Variants in HMGA2 observed in about 807,000 individuals in gnomAD.
HMGA2 encodes the protein high mobility group protein HMGI-C.
A neutral mutation model predicts 19.1 loss-of-function variants in HMGA2; 8 were observed. That is an observed-to-expected ratio of 0.42 (90% CI 0.25 to 0.76). The LOEUF (loss-of-function observed/expected upper bound fraction) is 0.76. HMGA2 is among the 30% of genes least tolerant of loss of function. The pLI is 0.28. For synonymous variants in HMGA2, 60 were observed against 48.8 expected (o/e 1.23, Z -0.96); for missense variants, 109 against 136.3 (o/e 0.80, Z 1.00).
rs1166997546 is a variant in HMGA2, at chr12:65,824,861, C to T, written c.-410C>T. Reference sequence around the variant, plus strand: ...CCAAGTCTCTTCCCTTTCCAAGCCGCTTCCGAAGTGCTCCCGGTGCCCGCA... The same window carrying T: ...CCAAGTCTCTTCCCTTTCCAAGCCGTTTCCGAAGTGCTCCCGGTGCCCGCA... On this transcript the variant is annotated 5_prime_UTR_variant, in exon 1 of 5. Transcript: ENST00000403681. 3.8e-5 allele frequency: 10 copies of T among 262,052 alleles called. No homozygotes were observed. The highest frequency in any genetic ancestry group is 6.6e-5 in the Non-Finnish European group (9 of 137,028). 16.2% of individuals were successfully genotyped at this position (262,052 alleles called of 1,614,324 possible).
intron 3 of HMGA2, among the ~76,000 whole-genome samples, chr12:65,911,561 G>A (rs1874846641): frequency 6.6e-6 from 1 of 152,128 alleles, no homozygotes. Context: ...AGCAAAGCCG[G>A]GTCATATGCT....
At chr12:65,929,215 A>G (rs996077432) in intron 3 of HMGA2, among the ~76,000 whole-genome samples, 1 of 152,150 alleles carries the variant, frequency 6.6e-6, no homozygotes. Context: ...TTCTCTGAGT[A>G]ACAAGACTTC....
At chr12:65,935,453 T>C (rs948978919) in intron 3 of HMGA2, among the ~76,000 whole-genome samples, 11 of 152,204 alleles carry the variant, frequency 7.2e-5, no homozygotes, top group Non-Finnish European at 4.4e-5. Flanking sequence ...TGCAGTGTGT[T>C]ATACATGCTC....
chr12:65,834,272 A>G (rs1312691795), intron 2 of HMGA2, among the ~76,000 whole-genome samples: 2 of 152,184 alleles, frequency 1.3e-5, no homozygotes, highest in Non-Finnish European at 2.9e-5. Context: ...GGGCCACTCC[A>G]AAGGTTATAA....
intron 3 of HMGA2, among the ~76,000 whole-genome samples, chr12:65,937,101 C>G (rs1392774806): frequency 6.6e-6 from 1 of 152,182 alleles, no homozygotes; most frequent in African/African-American, 2.4e-5. Context: ...TAGCACCTTA[C>G]AAACATCCTT....
chr12:65,932,691 T>C (rs557064104), intron 3 of HMGA2, among the ~76,000 whole-genome samples: 2 of 152,330 alleles, frequency 1.3e-5, no homozygotes, highest in East Asian at 3.9e-4. Flanking sequence ...TAATGCCCTG[T>C]CCCTCCTTGA....
intron 3 of HMGA2, among the ~76,000 whole-genome samples, chr12:65,926,449 AGAG>A (rs1197176228): frequency 6.6e-6 from 1 of 152,230 alleles, no homozygotes; most frequent in Non-Finnish European, 1.5e-5. Context: ...AGAGGGAGGC[AGAG>A]GAGAGGCTTT....
intron 3 of HMGA2, among the ~76,000 whole-genome samples, chr12:65,913,242 GC>G (rs1458981528): frequency 6.6e-6 from 1 of 151,976 alleles, no homozygotes; most frequent in Non-Finnish European, 1.5e-5. Context: ...GCGGCAGTTT[GC>G]CTCTCCTTCC....
rs1185920842 is a variant in HMGA2 at position 65,965,973 on chromosome 12, A to C, written c.*2681A>C. On this transcript the variant is annotated 3_prime_UTR_variant, in exon 5 of 5. Coordinates refer to ENST00000403681, the MANE Select transcript of HMGA2 (RefSeq NM_003483.6). ...CTTTGCTGTTGTTGGTCGCAGCTACATAAGACTGGACATTTAACTTTTCTA... is the reference window on the plus strand; with the variant it reads ...CTTTGCTGTTGTTGGTCGCAGCTACCTAAGACTGGACATTTAACTTTTCTA... 1 of 219,712 alleles carries C rather than the reference A, an allele frequency of 4.6e-6. No individual in the cohort carries two copies. Among genetic ancestry groups the C allele is most frequent in the South Asian group, 1.9e-4 (1 of 5,400 alleles). The allele number at this position is 219,712 out of a possible 1,614,324, so 13.6% of individuals were successfully genotyped here.
At chr12:65,913,226 C>A (rs1874920852) in intron 3 of HMGA2, among the ~76,000 whole-genome samples, 2 of 152,046 alleles carry the variant, frequency 1.3e-5, no homozygotes, top group South Asian at 4.2e-4. Context: ...CATTTTGTAC[C>A]ATTCTGCGGC....
chr12:65,881,607 C>A (rs1873390730), intron 3 of HMGA2: 1 of 640,172 alleles, frequency 1.6e-6, no homozygotes. Flanking sequence ...GAGTATTGTC[C>A]TGGACCCAGA....
intron 3 of HMGA2, among the ~76,000 whole-genome samples, chr12:65,864,283 T>C (rs1872267979): frequency 1.3e-5 from 2 of 152,162 alleles, no homozygotes; most frequent in African/African-American, 4.8e-5. Flanking sequence ...TAAGTGCTTT[T>C]CAGAAAAAGC....
At chr12:65,838,677 T>C in intron 3 of HMGA2, 108 bp downstream of exon 3, 1 of 791,996 alleles carries the variant, frequency 1.3e-6, no homozygotes, top group South Asian at 1.6e-5. Flanking sequence ...AACTTCTGGT[T>C]TGATGAATCT....
At position 65,824,855 on chromosome 12, in the gene HMGA2, A is replaced by C; in HGVS notation, c.-416A>C. 1 of 256,834 alleles carries C rather than the reference A, an allele frequency of 3.9e-6. No individual in the cohort carries two copies. 15.9% of individuals were successfully genotyped at this position (256,834 alleles called of 1,614,324 possible). ...TTCACTCCAAGTCTCTTCCCTTTCC[A>C]AGCCGCTTCCGAAGTGCTCCCGGTG... On this transcript the variant is annotated 5_prime_UTR_variant, in exon 1 of 5. Transcript: ENST00000403681.
At chr12:65,908,612 G>A (rs765683271) in intron 3 of HMGA2, among the ~76,000 whole-genome samples, 6 of 152,318 alleles carry the variant, frequency 3.9e-5, no homozygotes, top group Non-Finnish European at 8.8e-5. Context: ...TTAGTGCACA[G>A]TGTTAAAATT....
At chr12:65,962,574 G>T (rs1876781026) in intron 4 of HMGA2, among the ~76,000 whole-genome samples, 1 of 152,106 alleles carries the variant, frequency 6.6e-6, no homozygotes, top group African/African-American at 2.4e-5. Flanking sequence ...ATTTGGGAAG[G>T]CTCGTTGTCA....
At chr12:65,828,370 T>TGGGGGGGGGGG in intron 2 of HMGA2, 1 of 93,454 alleles carries the variant, frequency 1.1e-5, no homozygotes, top group South Asian at 1.8e-4. Flanking sequence ...AGGAAGGGGT[T>TGGGGGGGGGGG]GCGGGGGGGG....
At chr12:65,897,544 C>T (rs2121159209) in intron 3 of HMGA2, among the ~76,000 whole-genome samples, 1 of 152,172 alleles carries the variant, frequency 6.6e-6, no homozygotes, top group South Asian at 2.1e-4. Context: ...GGCAAAAGGA[C>T]AAAAAGGAGT....
chr12:65,921,000 A>G (rs1256018711), intron 3 of HMGA2, among the ~76,000 whole-genome samples: 1 of 152,214 alleles, frequency 6.6e-6, no homozygotes, highest in Non-Finnish European at 1.5e-5. Context: ...AGCTTTGCCC[A>G]AAGTGCTGAT....
Sources: allele counts gnomAD v4.1 joint callset (sites outside exome capture counted in the v4.1 genomes callset), GRCh38; gene constraint gnomAD v4.1.1; transcripts MANE v1.5; gene names NCBI Gene and HGNC (gene_info 2026-07-23, HGNC 2026-07-21).